Variants in ROBO2 observed in about 807,000 individuals in gnomAD.
ROBO2 encodes the protein roundabout guidance receptor 2.
A neutral mutation model predicts 160.8 loss-of-function variants in ROBO2; 53 were observed. The observed-to-expected ratio is 0.33, with a 90% CI of 0.26 to 0.41. The LOEUF (loss-of-function observed/expected upper bound fraction) is 0.41, where lower values mean the gene tolerates loss of function less well. Ranked by LOEUF, ROBO2 falls within the 10% of genes least tolerant of loss-of-function variation. The probability of loss-of-function intolerance (pLI) is 1.00; values close to 1 mark genes in which losing one functional copy is unlikely to be tolerated. For synonymous variants in ROBO2, 664 were observed against 611.7 expected (o/e 1.09, Z -1.26); for missense variants, 1,577 against 1,722.4 (o/e 0.92, Z 1.49).
At chr3:76,619,992 C>T (rs1560247029) in intron 2 of ROBO2, among the ~76,000 whole-genome samples, 2 of 151,946 alleles carry the variant, frequency 1.3e-5, no homozygotes, top group Non-Finnish European at 2.9e-5. Context: ...TGGCTTAAGG[C>T]TTGGAAATAT....
At chr3:77,626,471 T>C (rs2095029782) in intron 23 of ROBO2, among the ~76,000 whole-genome samples, 1 of 152,222 alleles carries the variant, frequency 6.6e-6, no homozygotes, top group Non-Finnish European at 1.5e-5. Flanking sequence ...TTGCAGCTCA[T>C]TGCACTCTGT....
chr3:77,297,762 C>T (rs143204770), intron 2 of ROBO2, among the ~76,000 whole-genome samples: 500 of 152,212 alleles, frequency 3.3e-3, no homozygotes, highest in Middle Eastern at 6.8e-3. Flanking sequence ...AGAGGTTTTA[C>T]ATTTAACGGA....
chr3:76,734,696 A>G lies in ROBO2; in HGVS notation c.110-363318A>G, dbSNP rs191110317. ...TGTGCTTTGTCCCTCTTTCTCCCAG[A>G]CTCTTCAATAACTAAAATTGCCATT... On this transcript the variant is annotated intron_variant, in intron 2 of 26. Coordinates refer to the ROBO2 transcript ENST00000487694. 8.5e-5 allele frequency among the ~76,000 whole-genome samples: 13 copies of G among 152,098 alleles called. No individual in the cohort carries two copies. The East Asian group carries it at 2.5e-3, about 29-fold the overall frequency.
chr3:75,923,345 G>T (rs1182064107), intron 1 of ROBO2, among the ~76,000 whole-genome samples: 1 of 152,212 alleles, frequency 6.6e-6, no homozygotes, highest in Non-Finnish European at 1.5e-5. Context: ...GTACATAAAA[G>T]TCAGTTATGT....
intron 2 of ROBO2, among the ~76,000 whole-genome samples, chr3:77,129,734 C>G (rs1477203323): frequency 6.6e-6 from 1 of 152,108 alleles, no homozygotes; most frequent in African/African-American, 2.4e-5. Flanking sequence ...TGCATCTCAT[C>G]GATTTGCTGA....
chr3:76,223,446 G>A (rs1169209569), intron 2 of ROBO2, among the ~76,000 whole-genome samples: 6 of 152,038 alleles, frequency 3.9e-5, no homozygotes, highest in African/African-American at 1.4e-4. Flanking sequence ...TGGGGTTGGA[G>A]AAGCCACAAC....
chr3:76,381,361 AT>A (rs59612896), intron 2 of ROBO2, among the ~76,000 whole-genome samples: 9,736 of 151,684 alleles, frequency 0.064, 882 homozygotes, highest in African/African-American at 0.2. Flanking sequence ...TTTTGTTATT[AT>A]TTTTTTGAGA....
intron 2 of ROBO2, among the ~76,000 whole-genome samples, chr3:76,037,559 C>A (rs1230994447): frequency 6.6e-6 from 1 of 151,924 alleles, no homozygotes; most frequent in African/African-American, 2.4e-5. Context: ...ACTATTTATG[C>A]ATTCTTCAAT....
chr3:76,320,445 C>T (rs1409328333), intron 2 of ROBO2, among the ~76,000 whole-genome samples: 1 of 152,070 alleles, frequency 6.6e-6, no homozygotes, highest in Non-Finnish European at 1.5e-5. Context: ...ACCACATCAG[C>T]TATTAGGACA....
chr3:76,086,749 T>G (rs377100351), intron 2 of ROBO2, among the ~76,000 whole-genome samples: 28 of 152,196 alleles, frequency 1.8e-4, no homozygotes, highest in East Asian at 7.7e-4. Flanking sequence ...GACAAGAAAT[T>G]TTTTATTTAG....
intron 2 of ROBO2, among the ~76,000 whole-genome samples, chr3:77,223,668 A>T (rs967909635): frequency 6.6e-6 from 1 of 152,080 alleles, no homozygotes; most frequent in Non-Finnish European, 1.5e-5. Context: ...TGGTTCACCC[A>T]ATTTGCCTAA....
At chr3:77,071,053 GA>G (rs1221375727) in intron 1 of ROBO2, among the ~76,000 whole-genome samples, 5 of 152,106 alleles carry the variant, frequency 3.3e-5, no homozygotes, top group African/African-American at 1.2e-4. Context: ...AGTACCAGCA[GA>G]CTAAGTCTTT....
At chr3:76,091,143 AGAG>A (rs1222814934) in intron 2 of ROBO2, among the ~76,000 whole-genome samples, 2 of 152,284 alleles carry the variant, frequency 1.3e-5, no homozygotes, top group South Asian at 4.1e-4. Context: ...GCCACCATGA[AGAG>A]GAGAAGATAA....
intron 2 of ROBO2, among the ~76,000 whole-genome samples, chr3:76,840,824 A>G (rs1443044951): frequency 6.6e-6 from 1 of 152,008 alleles, no homozygotes; most frequent in African/African-American, 2.4e-5. Flanking sequence ...CAACACTCAC[A>G]GTAAAACTGC....
At chr3:77,209,668 C>T (rs887571653) in intron 2 of ROBO2, among the ~76,000 whole-genome samples, 27 of 152,214 alleles carry the variant, frequency 1.8e-4, no homozygotes, top group African/African-American at 6.5e-4. Flanking sequence ...TCAGCCTATT[C>T]AACTAAAGAG....
intron 2 of ROBO2, among the ~76,000 whole-genome samples, chr3:76,507,950 T>A (rs2080878188): frequency 6.6e-6 from 1 of 152,144 alleles, no homozygotes; most frequent in African/African-American, 2.4e-5. Flanking sequence ...AGGAATAATT[T>A]ACAAAGGGTT....
chr3:77,090,748 C>T (rs1031629109), intron 1 of ROBO2, among the ~76,000 whole-genome samples: 1 of 151,986 alleles, frequency 6.6e-6, no homozygotes, highest in African/African-American at 2.4e-5. Context: ...TTATTTGTAC[C>T]ACACTGCCTC....
chr3:77,255,740 G>A (rs2058364974), intron 2 of ROBO2, among the ~76,000 whole-genome samples: 1 of 152,218 alleles, frequency 6.6e-6, no homozygotes, highest in African/African-American at 2.4e-5. Context: ...CATGGTGGAG[G>A]AAGATATTCT....
chr3:75,990,934 C>T (rs561044967), intron 2 of ROBO2, among the ~76,000 whole-genome samples: 1 of 152,284 alleles, frequency 6.6e-6, no homozygotes, highest in South Asian at 2.1e-4. Flanking sequence ...TTCTAATCCA[C>T]TGAGGTCCTA....
Sources: allele counts gnomAD v4.1 joint callset (sites outside exome capture counted in the v4.1 genomes callset), GRCh38; gene constraint gnomAD v4.1.1; transcripts MANE v1.5; gene names NCBI Gene and HGNC (gene_info 2026-07-23, HGNC 2026-07-21).